The following CNTNAP2 variants were observed in gnomAD, a reference collection of about 807,000 sequenced individuals.
The protein encoded by CNTNAP2 is contactin associated protein 2.
CNTNAP2 carries 98 observed loss-of-function variants against 155.2 expected under a neutral mutation model. The ratio of observed to expected loss-of-function variants is 0.63; its 90% CI spans 0.54 to 0.75. The LOEUF (loss-of-function observed/expected upper bound fraction) is 0.75, where lower values mean the gene tolerates loss of function less well. CNTNAP2 is among the 30% of genes least tolerant of loss of function. The pLI is 0.00. For missense variants in CNTNAP2, 1,727 were observed against 1,688.1 expected, an observed-to-expected ratio of 1.02 and a Z score of -0.40; for synonymous variants, 651 against 631.2, an observed-to-expected ratio of 1.03 and a Z score of -0.47.
intron 5 of CNTNAP2, among the ~76,000 whole-genome samples, chr7:147,108,878 G>A (rs79146812): frequency 0.027 from 4,111 of 152,126 alleles, 166 homozygotes; most frequent in African/African-American, 0.093. Context: ...AAACATGAGA[G>A]AAAGAAGATT....
At chr7:147,036,096 G>T (rs1422227692) in intron 3 of CNTNAP2, among the ~76,000 whole-genome samples, 2 of 152,112 alleles carry the variant, frequency 1.3e-5, no homozygotes, top group Non-Finnish European at 2.9e-5. Flanking sequence ...GCAAACTGTA[G>T]CCCATGGGAC....
chr7:147,985,860 C>A (rs1241830257), intron 15 of CNTNAP2, among the ~76,000 whole-genome samples: 2 of 152,094 alleles, frequency 1.3e-5, no homozygotes, highest in Non-Finnish European at 2.9e-5. Flanking sequence ...GCCCTTAGGG[C>A]ACTCATCACC....
At chr7:147,864,901 A>T (rs1401983911) in intron 13 of CNTNAP2, among the ~76,000 whole-genome samples, 2 of 152,080 alleles carry the variant, frequency 1.3e-5, no homozygotes, top group Non-Finnish European at 2.9e-5. Flanking sequence ...CTCTTTTCCT[A>T]ATTGAATGCC....
chr7:146,943,952 T>C (rs1327191120), intron 3 of CNTNAP2, among the ~76,000 whole-genome samples: 1 of 152,200 alleles, frequency 6.6e-6, no homozygotes, highest in Admixed American at 6.5e-5. Context: ...TTACTATAGT[T>C]TAATTTGTAC....
At chr7:146,884,842 T>A (rs887568027) in intron 3 of CNTNAP2, among the ~76,000 whole-genome samples, 1 of 152,180 alleles carries the variant, frequency 6.6e-6, no homozygotes, top group Admixed American at 6.6e-5. Context: ...AGTACAATAA[T>A]TATTATCATT....
At chr7:146,411,861 G>C (rs1795871387) in intron 1 of CNTNAP2, among the ~76,000 whole-genome samples, 1 of 149,656 alleles carries the variant, frequency 6.7e-6, no homozygotes, top group Admixed American at 6.6e-5. Context: ...ATTTGAGATA[G>C]AGTCTCTCTC....
intron 8 of CNTNAP2, among the ~76,000 whole-genome samples, chr7:147,230,282 A>T (rs1321452352): frequency 2.0e-5 from 3 of 151,902 alleles, no homozygotes; most frequent in South Asian, 2.1e-4. Flanking sequence ...TTTTTGAGAC[A>T]GAGTCTCTCT....
At chr7:147,950,003 G>A (rs1800897737) in intron 14 of CNTNAP2, among the ~76,000 whole-genome samples, 1 of 152,130 alleles carries the variant, frequency 6.6e-6, no homozygotes, top group African/African-American at 2.4e-5. Context: ...AAATGCAAGT[G>A]ACATTTTCTT....
chr7:146,613,030 TGAC>T (rs982025379), intron 1 of CNTNAP2, among the ~76,000 whole-genome samples: 1 of 151,974 alleles, frequency 6.6e-6, no homozygotes, highest in African/African-American at 2.4e-5. Context: ...CTCAATATGA[TGAC>T]AATTTAAGAG....
At position 148,112,415 on chromosome 7, in the gene CNTNAP2, GTATTATTAT is replaced by G. The variant is rs34816770; in HGVS notation, c.2384-5681_2384-5673del. Among the ~76,000 whole-genome samples, 448 of 148,622 alleles carry G rather than the reference GTATTATTAT, an allele frequency of 3.0e-3. 3 individuals are homozygous for G. The highest frequency in any genetic ancestry group is 0.01 in the African/African-American group (411 of 40,690). On this transcript the variant is annotated intron_variant, in intron 15 of 23. Transcript: ENST00000361727. ...AATATGAATACTGTGCTAAATTTTAGTATTATTATTATTATTATTATTATTATTATAGTG... is the reference window on the plus strand; with the variant it reads ...AATATGAATACTGTGCTAAATTTTAGTATTATTATTATTATTATTATAGTG...
At chr7:146,699,429 G>A (rs1024394908) in intron 1 of CNTNAP2, among the ~76,000 whole-genome samples, 1 of 152,084 alleles carries the variant, frequency 6.6e-6, no homozygotes. Context: ...TGGTGATAGG[G>A]TGTGAGGGAG....
At position 147,269,542 on chromosome 7, in the gene CNTNAP2, A is replaced by G. The variant is rs1804692666; in HGVS notation, c.1349-30599A>G. On this transcript the variant is annotated intron_variant, in intron 8 of 23. Coordinates refer to ENST00000361727, the MANE Select transcript of CNTNAP2 (RefSeq NM_014141.6). ...CTATGAGAGACACAATATGCCGAGCACATATGACAAGGAAACAAACCAGGT... is the reference window on the plus strand; with the variant it reads ...CTATGAGAGACACAATATGCCGAGCGCATATGACAAGGAAACAAACCAGGT... 2.0e-5 allele frequency among the ~76,000 whole-genome samples: 3 copies of G among 152,348 alleles called. No homozygotes were observed. In the South Asian group the frequency reaches 6.2e-4, roughly 32 times the overall value.
rs148697599 is a variant in CNTNAP2 at position 146,328,338 on chromosome 7, T to C, written c.97+211365T>C. ...AAACTGGTCCCCGGTGCCAAAAAGT[T>C]TGGGGACCACTGTTCTATCAAAATA... is the stretch of plus-strand genomic sequence containing the variant. On this transcript the variant is annotated intron_variant, in intron 1 of 23. Transcript: ENST00000361727. Among the ~76,000 whole-genome samples the C allele has an allele frequency of 4.9e-4, 75 of 152,304 alleles. 1 individual carries two copies. Among genetic ancestry groups the C allele is most frequent in the African/African-American group, 1.7e-3 (72 of 41,578 alleles).
At chr7:146,414,940 G>A (rs1795916400) in intron 1 of CNTNAP2, among the ~76,000 whole-genome samples, 1 of 151,876 alleles carries the variant, frequency 6.6e-6, no homozygotes, top group African/African-American at 2.4e-5. Context: ...GGAATAGGGT[G>A]GAAAAAAAGG....
At chr7:147,124,277 C>T (rs1371060195) in intron 6 of CNTNAP2, among the ~76,000 whole-genome samples, 3 of 152,106 alleles carry the variant, frequency 2.0e-5, no homozygotes, top group Non-Finnish European at 4.4e-5. Context: ...CTTCACAAAA[C>T]CTGAAGATGC....
intron 1 of CNTNAP2, among the ~76,000 whole-genome samples, chr7:146,165,640 C>A (rs1798300858): frequency 6.6e-6 from 1 of 152,146 alleles, no homozygotes; most frequent in Non-Finnish European, 1.5e-5. Context: ...GTATCTAAAT[C>A]TGTATCTATC....
At chr7:146,122,597 C>T (rs1437538058) in intron 1 of CNTNAP2, among the ~76,000 whole-genome samples, 2 of 152,028 alleles carry the variant, frequency 1.3e-5, no homozygotes, top group Non-Finnish European at 2.9e-5. Context: ...TTGGTTTTTC[C>T]ATTGATATTG....
chr7:147,928,704 C>G (rs1585033738), intron 14 of CNTNAP2, among the ~76,000 whole-genome samples: 1 of 152,128 alleles, frequency 6.6e-6, no homozygotes, highest in Non-Finnish European at 1.5e-5. Flanking sequence ...CTTGGAACTG[C>G]TCTACCTGAC....
chr7:148,358,193 G>T (rs1248399263), intron 21 of CNTNAP2, among the ~76,000 whole-genome samples: 2 of 152,222 alleles, frequency 1.3e-5, no homozygotes, highest in African/African-American at 4.8e-5. Flanking sequence ...GCTGGGAGAA[G>T]CAGGGTGGGT....
Sources: allele counts gnomAD v4.1 joint callset (sites outside exome capture counted in the v4.1 genomes callset), GRCh38; gene constraint gnomAD v4.1.1; transcripts MANE v1.5; gene names NCBI Gene and HGNC (gene_info 2026-07-23, HGNC 2026-07-21).